Variants in GRM7 observed in about 807,000 individuals in gnomAD.
The protein encoded by GRM7 is metabotropic glutamate receptor 7.
Under a neutral mutation model 84.5 loss-of-function variants are expected in GRM7, and 35 were observed. The ratio of observed to expected loss-of-function variants is 0.41; its 90% confidence interval spans 0.32 to 0.55. The LOEUF (loss-of-function observed/expected upper bound fraction) is 0.55. Among genes scored for constraint, GRM7 ranks in the 20% least tolerant of loss-of-function variants. The pLI is 0.19. For missense variants in GRM7, 1,003 were observed against 1,194.6 expected, an observed-to-expected ratio of 0.84 and a Z score of 2.36; for synonymous variants, 487 against 455.1, an observed-to-expected ratio of 1.07 and a Z score of -0.89.
At chr3:7,553,243 T>C (rs1461860420) in intron 7 of GRM7, among the ~76,000 whole-genome samples, 2 of 152,336 alleles carry the variant, frequency 1.3e-5, no homozygotes, top group Admixed American at 1.3e-4. Context: ...TCCTCATCTC[T>C]ATCTGAGACC....
intron 8 of GRM7, among the ~76,000 whole-genome samples, chr3:7,602,245 A>G (rs1262817078): frequency 6.6e-6 from 1 of 152,088 alleles, no homozygotes; most frequent in Non-Finnish European, 1.5e-5. Context: ...GGGAAAGTAG[A>G]GGCATCCCAT....
At chr3:7,032,261 G>T (rs1696217481) in intron 1 of GRM7, among the ~76,000 whole-genome samples, 1 of 152,186 alleles carries the variant, frequency 6.6e-6, no homozygotes, top group Admixed American at 6.5e-5. Context: ...TGATTAAGTA[G>T]CTGTGGGAAA....
At position 7,643,407 on chromosome 3, in the gene GRM7, C is replaced by T. The variant is rs73118030; in HGVS notation, c.2452-36642C>T. 4.0e-3 allele frequency among the ~76,000 whole-genome samples: 608 copies of T among 152,034 alleles called. 6 individuals carry two copies. The highest frequency in any genetic ancestry group is 0.014 in the African/African-American group (572 of 41,462). ...GGAAAACTGAAGTACTCATGCCCTA[C>T]TTTAAAAGAGTCATTCCTCTAAAAT... is the stretch of plus-strand genomic sequence containing the variant. On this transcript the variant is annotated intron_variant, in intron 8 of 9. Transcript: ENST00000357716.
At chr3:6,965,164 C>T (rs1693466800) in intron 1 of GRM7, among the ~76,000 whole-genome samples, 1 of 152,068 alleles carries the variant, frequency 6.6e-6, no homozygotes, top group East Asian at 1.9e-4. Context: ...CCTGCCACTT[C>T]CCCCTGAAGA....
At chr3:7,582,426 C>T (rs1695301513) in intron 8 of GRM7, among the ~76,000 whole-genome samples, 1 of 151,982 alleles carries the variant, frequency 6.6e-6, no homozygotes, top group South Asian at 2.1e-4. Context: ...TGTGACTCTA[C>T]AAAGGGAAAA....
At chr3:7,568,914 C>T (rs138920276) in intron 7 of GRM7, among the ~76,000 whole-genome samples, 2,322 of 152,190 alleles carry the variant, frequency 0.015, 37 homozygotes, top group South Asian at 0.082. Context: ...GCCTCCCGGA[C>T]GAGCGCCGCC....
chr3:7,563,195 T>C (rs1455921868), intron 7 of GRM7, among the ~76,000 whole-genome samples: 2 of 152,128 alleles, frequency 1.3e-5, no homozygotes, highest in Non-Finnish European at 2.9e-5. Context: ...GTTTCAGTGA[T>C]TTAAGGATTT....
At chr3:7,280,373 T>C (rs889302010) in intron 2 of GRM7, among the ~76,000 whole-genome samples, 5 of 152,222 alleles carry the variant, frequency 3.3e-5, no homozygotes, top group African/African-American at 4.8e-5. Context: ...ATTTGGTAAA[T>C]GCAGTTTTCA....
intron 1 of GRM7, among the ~76,000 whole-genome samples, chr3:7,072,160 C>A (rs1347249675): frequency 6.6e-6 from 1 of 152,056 alleles, no homozygotes; most frequent in Non-Finnish European, 1.5e-5. Flanking sequence ...TGGGCATAAC[C>A]TGCAGCATCT....
chr3:6,863,054 T>G lies in GRM7; in HGVS notation c.519+1147T>G, dbSNP rs1454606698. ...AAATTGAGTTTCAGGGTCTCTGTGATTGTAGGTTCCCTCCTCTGTGTCTTT... is the reference window on the plus strand; with the variant it reads ...AAATTGAGTTTCAGGGTCTCTGTGAGTGTAGGTTCCCTCCTCTGTGTCTTT... On this transcript the variant is annotated intron_variant, in intron 1 of 9. Coordinates refer to ENST00000357716, the MANE Select transcript of GRM7 (RefSeq NM_000844.4). The surrounding 1 kb of genome is among the most constrained non-coding windows in gnomAD (Gnocchi z 4.8). The G allele has an allele frequency of 2.2e-6, 1 of 454,782 alleles. No homozygotes were observed. The highest frequency in any genetic ancestry group is 4.4e-6 in the Non-Finnish European group (1 of 226,166). The allele number at this position is 454,782 out of a possible 1,614,324, so 28.2% of individuals were successfully genotyped here. A position where few individuals can be genotyped will look rare whatever the true frequency, so the allele number is the denominator to read the frequency against.
intron 1 of GRM7, among the ~76,000 whole-genome samples, chr3:6,955,865 A>G (rs1194614245): frequency 6.6e-6 from 1 of 151,858 alleles, no homozygotes; most frequent in African/African-American, 2.4e-5. Context: ...ATAGAATGAC[A>G]TTCTTTTCCT....
At position 7,188,252 on chromosome 3, in the gene GRM7, CAA is replaced by C. The variant is rs1314273978; in HGVS notation, c.736+41587_736+41588del. On this transcript the variant is annotated intron_variant, in intron 2 of 9. Coordinates refer to ENST00000357716, the MANE Select transcript of GRM7 (RefSeq NM_000844.4). The surrounding 1 kb of genome is among the most constrained non-coding windows in gnomAD (Gnocchi z 4.2). ...CAGCATTATCAGCCTGCAGAAGAGCCAAAACTCCAGGCAGAGAACTTTATAGC... is the reference window on the plus strand; with the variant it reads ...CAGCATTATCAGCCTGCAGAAGAGCCAACTCCAGGCAGAGAACTTTATAGC... 6.6e-6 allele frequency among the ~76,000 whole-genome samples: 1 copy of C among 151,900 alleles called. No homozygotes were observed. The highest frequency in any genetic ancestry group is 6.6e-5 in the Admixed American group (1 of 15,236).
rs371737281 is a variant in GRM7 at position 7,412,021 on chromosome 3, TC to T, written c.1034-3001del. Among the ~76,000 whole-genome samples the T allele has an allele frequency of 1.9e-3, 292 of 151,008 alleles. 1 individual carries two copies. Among genetic ancestry groups the T allele is most frequent in the Middle Eastern group, 6.8e-3 (2 of 294 alleles). On this transcript the variant is annotated intron_variant, in intron 4 of 9. Coordinates refer to ENST00000357716, the MANE Select transcript of GRM7 (RefSeq NM_000844.4). ...CCTCTTTTCCCTTTTCTCTTTTTGC[TC>T]TCTCCTCTCTCCTCTCTCTCTCTCT... is the stretch of plus-strand genomic sequence containing the variant.
At chr3:6,968,561 CATTAAGTTGGAAATAAGCT>C (rs1404468747) in intron 1 of GRM7, among the ~76,000 whole-genome samples, 1 of 152,172 alleles carries the variant, frequency 6.6e-6, no homozygotes, top group Non-Finnish European at 1.5e-5. Flanking sequence ...CTTATTGCAA[CATTAAGTTGGAAATAAGCT>C]ATTTTAATAT....
chr3:7,181,094 T>C (rs1002074667), intron 2 of GRM7, among the ~76,000 whole-genome samples: 2 of 152,218 alleles, frequency 1.3e-5, no homozygotes, highest in Non-Finnish European at 2.9e-5. Context: ...ATTTTTATCA[T>C]AGATATAGAG....
chr3:6,897,776 G>A (rs1696238154), intron 1 of GRM7, among the ~76,000 whole-genome samples: 6 of 152,226 alleles, frequency 3.9e-5, no homozygotes, highest in Non-Finnish European at 1.5e-5. Flanking sequence ...GTGGTACTCT[G>A]AAAAGGGCAA....
chr3:7,091,528 C>G (rs75417096), intron 1 of GRM7, among the ~76,000 whole-genome samples: 1,611 of 151,912 alleles, frequency 0.011, 66 homozygotes, highest in Admixed American at 0.081. Flanking sequence ...CAAGAAATGA[C>G]CTTTTTGGCA....
intron 2 of GRM7, among the ~76,000 whole-genome samples, chr3:7,164,498 T>A (rs939676400): frequency 2.6e-5 from 4 of 152,238 alleles, no homozygotes; most frequent in Non-Finnish European, 2.9e-5. Flanking sequence ...CACTCATACC[T>A]TGAACCATCT....
intron 7 of GRM7, among the ~76,000 whole-genome samples, chr3:7,534,497 GT>G (rs1341588496): frequency 6.6e-6 from 1 of 152,128 alleles, no homozygotes; most frequent in Non-Finnish European, 1.5e-5. Context: ...CATATCTTGT[GT>G]TTTTAACCAC....
Sources: allele counts gnomAD v4.1 joint callset (sites outside exome capture counted in the v4.1 genomes callset), GRCh38; gene constraint gnomAD v4.1.1; non-coding constraint Gnocchi (gnomAD v3.1); transcripts MANE v1.5; gene names NCBI Gene and HGNC (gene_info 2026-07-23, HGNC 2026-07-21).